TARBP1: variants seen among roughly 807,000 people sequenced by gnomAD.
TARBP1 encodes tRNA (guanosine(18)-2'-O)-methyltransferase TARBP1.
A neutral mutation model predicts 178.6 loss-of-function variants in TARBP1; 144 were observed. That is an observed-to-expected ratio of 0.81 (90% CI 0.70 to 0.93). The LOEUF (loss-of-function observed/expected upper bound fraction) is 0.93. TARBP1 is among the 40% of genes least tolerant of loss of function. The pLI is 0.00. For missense variants in TARBP1, 2,067 were observed against 2,011.7 expected, an observed-to-expected ratio of 1.03 and a Z score of -0.53; for synonymous variants, 787 against 781.0, an observed-to-expected ratio of 1.01 and a Z score of -0.13.
chr1:234,394,010 C>T (rs143268110), intron 26 of TARBP1, among the ~76,000 whole-genome samples, 173 bp from the exon 27 acceptor site: 7 of 152,266 alleles, frequency 4.6e-5, no homozygotes, highest in Admixed American at 2.0e-4. Flanking sequence ...AGACACAATT[C>T]CCATTTGTAG....
chr1:234,416,988 T>A (rs1348132298), intron 22 of TARBP1, among the ~76,000 whole-genome samples: 1 of 151,988 alleles, frequency 6.6e-6, no homozygotes, highest in Non-Finnish European at 1.5e-5. Context: ...AGCAAGTATG[T>A]GAAGGAAATA....
chr1:234,440,105 A>T (rs1175209932), intron 12 of TARBP1, among the ~76,000 whole-genome samples: 1 of 152,214 alleles, frequency 6.6e-6, no homozygotes, highest in African/African-American at 2.4e-5. Flanking sequence ...AAGATGTTCT[A>T]AATAATTCAT....
At chr1:234,464,997 C>T (rs540456781) in intron 5 of TARBP1, among the ~76,000 whole-genome samples, 3 of 152,180 alleles carry the variant, frequency 2.0e-5, no homozygotes, top group African/African-American at 7.2e-5. Flanking sequence ...TTAGAATGAA[C>T]CTTGCAGTAC....
At chr1:234,474,556 A>G (rs1008661287) in intron 1 of TARBP1, among the ~76,000 whole-genome samples, 7 of 152,126 alleles carry the variant, frequency 4.6e-5, no homozygotes, top group African/African-American at 1.4e-4. Context: ...TGCTAGAGCC[A>G]CTGATCCTAC....
intron 23 of TARBP1, chr1:234,406,866 A>C (rs922455225): frequency 2.0e-5 from 3 of 152,208 alleles, no homozygotes; most frequent in African/African-American, 7.2e-5. Context: ...TACCAAATGC[A>C]CTTCTCCCCT....
chr1:234,450,699 T>C (rs934999901), intron 9 of TARBP1, 133 bp from the exon 10 acceptor site: 2 of 1,009,368 alleles, frequency 2.0e-6, no homozygotes, highest in Non-Finnish European at 2.8e-6. Context: ...AATAAACCAT[T>C]TACTATCATA....
intron 9 of TARBP1, among the ~76,000 whole-genome samples, chr1:234,456,294 G>A (rs1010961428): frequency 8.5e-5 from 13 of 152,142 alleles, no homozygotes; most frequent in South Asian, 8.3e-4. Context: ...TCCGCCTCCC[G>A]GATTCAAGCA....
At chr1:234,463,131 T>TTG (rs1407585502) in intron 6 of TARBP1, among the ~76,000 whole-genome samples, 1 of 151,700 alleles carries the variant, frequency 6.6e-6, no homozygotes, top group Non-Finnish European at 1.5e-5. Flanking sequence ...TTTTTTGTTT[T>TTG]TTTTGTTTTT....
chr1:234,472,621 G>T, intron 2 of TARBP1, 93 bp downstream of exon 2: 1 of 783,610 alleles, frequency 1.3e-6, no homozygotes, highest in South Asian at 2.0e-5. Flanking sequence ...AGCTATATCT[G>T]AGTTAGTCTC....
rs146958796 is a variant in TARBP1, at chr1:234,454,600, G to GA, written c.1722+3066dup. Among the ~76,000 whole-genome samples the GA allele has an allele frequency of 3.2e-3, 482 of 152,106 alleles. 4 individuals are homozygous for GA. The highest frequency in any genetic ancestry group is 0.011 in the African/African-American group (469 of 41,504). ...ATTTTCATAAGTAAAAAGCTACCAG[G>GA]AAAAAACTAAACAAAATCAAAAATC... On this transcript the variant is annotated intron_variant, in intron 9 of 29. Coordinates refer to ENST00000040877, the MANE Select transcript of TARBP1 (RefSeq NM_005646.4).
Position 234,429,774 on chromosome 1 carries a change from G to C in TARBP1, c.2610-97C>G. On this transcript the variant is annotated intron_variant, in intron 15 of 29. Coordinates refer to ENST00000040877, the MANE Select transcript of TARBP1 (RefSeq NM_005646.4). ...TATCCTTTCTAAAGGTGGGGGGGGGGGGGCAGTGTACAGATATAAATGGTC... is the reference window on the plus strand; with the variant it reads ...TATCCTTTCTAAAGGTGGGGGGGGGCGGGCAGTGTACAGATATAAATGGTC... 4.8e-6 allele frequency: 6 copies of C among 1,238,396 alleles called. 1 individual carries two copies. The highest frequency in any genetic ancestry group is 2.4e-5 in the Admixed American group (1 of 41,088). The allele number at this position is 1,238,396 out of a possible 1,614,324, so 76.7% of individuals were successfully genotyped here.
chr1:234,467,485 G>T lies in TARBP1; in HGVS notation c.1248+17C>A. 6.4e-7 allele frequency: 1 copy of T among 1,563,826 alleles called. No individual in the cohort carries two copies. Among genetic ancestry groups the T allele is most frequent in the South Asian group, 1.2e-5 (1 of 81,828 alleles). ...CTTTCAACAATGGGAGCAAGGAAGG[G>T]GACAGGGTGTCATTACCTCAGAAAA... is the stretch of plus-strand genomic sequence containing the variant. On this transcript the variant is annotated intron_variant, in intron 4 of 29. Transcript: ENST00000040877.
In TARBP1 at chr1:234,430,178, T is replaced by A. The variant is rs1215291775; in HGVS notation, c.2518A>T (p.Ser840Cys). 1 of 1,614,216 alleles carries A rather than the reference T, an allele frequency of 6.2e-7. No homozygotes were observed. The highest frequency in any genetic ancestry group is 8.5e-7 in the Non-Finnish European group (1 of 1,180,036). Residue 840 changes from serine (S) to cysteine (C), a missense_variant, in exon 15 of 30, where the codon AGC becomes TGC. By Grantham distance (112) the Ser-to-Cys change is moderately radical. Transcript: ENST00000040877. ...LDSLHAGPLE[S>C]FLSSLQLNQT... Reference sequence around the variant, plus strand: ...TTGAGCTGAAGAGAGGAAAGGAAGCTTTCCAGGGGCCCAGCATGGAGAGAG... The same window carrying A: ...TTGAGCTGAAGAGAGGAAAGGAAGCATTCCAGGGGCCCAGCATGGAGAGAG...
chr1:234,403,537 T>C (rs564725319), intron 24 of TARBP1, among the ~76,000 whole-genome samples: 2 of 152,342 alleles, frequency 1.3e-5, no homozygotes, highest in African/African-American at 4.8e-5. Context: ...TTGATGTCTA[T>C]TCCCATTTGA....
At chr1:234,404,461 T>C (rs1239747429) in intron 24 of TARBP1, among the ~76,000 whole-genome samples, 2 of 151,728 alleles carry the variant, frequency 1.3e-5, no homozygotes, top group Non-Finnish European at 2.9e-5. Context: ...AATATTAATG[T>C]TCAAATCTAC....
rs1663654087 is a variant in TARBP1, at chr1:234,425,609, T to C, written c.3444+64A>G. On this transcript the variant is annotated intron_variant, in intron 20 of 29. Coordinates refer to ENST00000040877, the MANE Select transcript of TARBP1 (RefSeq NM_005646.4). ...TTTAGAAGTACATATTCTAGCAACA[T>C]AAAGAGCAAATGTTGACCTCTGACT... 48 of 1,500,300 alleles carry C rather than the reference T, an allele frequency of 3.2e-5. No homozygotes were observed. The South Asian group carries it at 5.4e-4, about 17-fold the overall frequency. 92.9% of individuals were successfully genotyped at this position (1,500,300 alleles called of 1,614,324 possible).
At chr1:234,404,338 T>C (rs1192037549) in intron 24 of TARBP1, among the ~76,000 whole-genome samples, 1 of 152,166 alleles carries the variant, frequency 6.6e-6, no homozygotes, top group East Asian at 1.9e-4. Context: ...TCTCTAACCA[T>C]CAAACACAAA....
chr1:234,408,233 C>G (rs748640427), intron 23 of TARBP1, among the ~76,000 whole-genome samples: 2 of 150,832 alleles, frequency 1.3e-5, no homozygotes, highest in African/African-American at 4.9e-5. Flanking sequence ...AGGAACACTT[C>G]GTGCTCTGAT....
Position 234,418,235 on chromosome 1 carries a change from T to C in TARBP1, c.3556-2A>G. 6.5e-7 allele frequency: 1 copy of C among 1,548,412 alleles called. No homozygotes were observed. The highest frequency in any genetic ancestry group is 8.6e-7 in the Non-Finnish European group (1 of 1,160,520). ...GTCAATAATTCCATTCAAGAAATTC[T>C]GAGAAAAAAAGTTCACAATTAACCA... On this transcript the variant is annotated splice_acceptor_variant, in intron 21 of 29. Coordinates refer to ENST00000040877, the MANE Select transcript of TARBP1 (RefSeq NM_005646.4). LOFTEE classifies it high-confidence loss of function.
Sources: allele counts gnomAD v4.1 joint callset (sites outside exome capture counted in the v4.1 genomes callset), GRCh38; gene constraint gnomAD v4.1.1; transcripts MANE v1.5; gene names NCBI Gene and HGNC (gene_info 2026-07-23, HGNC 2026-07-21).